Variants in EMCN observed in about 807,000 individuals in gnomAD.
EMCN encodes MUC-14.
Under a neutral mutation model 38.4 loss-of-function variants are expected in EMCN, and 37 were observed. The observed-to-expected ratio is 0.96, with a 90% CI of 0.74 to 1.27. The LOEUF (loss-of-function observed/expected upper bound fraction) is 1.27. EMCN is among the 50% of genes most tolerant of loss of function. EMCN has a pLI of 0.00. For missense variants in EMCN, 318 were observed against 302.8 expected (o/e 1.05, Z -0.37); for synonymous variants, 95 against 100.8 (o/e 0.94, Z 0.35).
chr4:100,498,216 C>A (rs1729259914), intron 1 of EMCN, among the ~76,000 whole-genome samples: 1 of 151,944 alleles, frequency 6.6e-6, no homozygotes. Flanking sequence ...TAATACCAAC[C>A]AAATTTACAC....
At chr4:100,501,109 C>CT (rs1412527914) in intron 1 of EMCN, among the ~76,000 whole-genome samples, 2 of 151,882 alleles carry the variant, frequency 1.3e-5, no homozygotes, top group East Asian at 1.9e-4. Flanking sequence ...ATGGTTAGTG[C>CT]TTTTTTGTGT....
intron 4 of EMCN, among the ~76,000 whole-genome samples, chr4:100,462,224 A>G (rs1013245773): frequency 2.6e-5 from 4 of 152,210 alleles, no homozygotes; most frequent in Non-Finnish European, 4.4e-5. Flanking sequence ...TTATTTCATT[A>G]TCCTGCTTTC....
In EMCN at chr4:100,397,315, A is replaced by G. The variant is rs915950609; in HGVS notation, c.*1098T>C. On this transcript the variant is annotated 3_prime_UTR_variant, in exon 12 of 12. Coordinates refer to ENST00000296420, the MANE Select transcript of EMCN (RefSeq NM_016242.4). ...GATCTCACATGTCAAAAAAGTGGTC[A>G]AGGTTGATCAGTTAGCTTTTAACAG... 1 of 152,180 alleles carries G rather than the reference A, an allele frequency of 6.6e-6. No individual in the cohort carries two copies. Among genetic ancestry groups the G allele is most frequent in the East Asian group, 1.9e-4 (1 of 5,186 alleles). The allele number at this position is 152,180 out of a possible 1,614,324, so 9.4% of individuals were successfully genotyped here.
At chr4:100,427,643 C>G (rs562531518) in intron 5 of EMCN, among the ~76,000 whole-genome samples, 4 of 151,910 alleles carry the variant, frequency 2.6e-5, no homozygotes, top group Non-Finnish European at 5.9e-5. Flanking sequence ...AGTCCTTGGT[C>G]CTCATCTCCA....
chr4:100,511,658 G>T (rs1168247339), intron 1 of EMCN, among the ~76,000 whole-genome samples: 2 of 152,092 alleles, frequency 1.3e-5, no homozygotes, highest in African/African-American at 4.8e-5. Flanking sequence ...CATTTTCTTT[G>T]AAATGAAAAG....
intron 3 of EMCN, among the ~76,000 whole-genome samples, chr4:100,470,973 T>G (rs963038650): frequency 1.3e-5 from 2 of 151,922 alleles, no homozygotes; most frequent in Non-Finnish European, 2.9e-5. Flanking sequence ...AGGAAATTTA[T>G]AGGTGTTAAC....
intron 1 of EMCN, among the ~76,000 whole-genome samples, chr4:100,499,954 C>A (rs117164368): frequency 1.3e-5 from 2 of 152,178 alleles, no homozygotes; most frequent in East Asian, 3.9e-4. Flanking sequence ...AGCAGAGTAT[C>A]ATTGAGAGCA....
chr4:100,475,054 TA>T lies in EMCN; in HGVS notation c.242del (p.Leu81Ter). On this transcript the variant is annotated frameshift_variant, in exon 3 of 12. Coordinates refer to ENST00000296420, the MANE Select transcript of EMCN (RefSeq NM_016242.4). LOFTEE classifies it high-confidence loss of function. ...ATTACTCACCTTCATCTTTACTTGTTAAAAAAGTAGCTGTTGACATCAGAGA... is the reference window on the plus strand; with the variant it reads ...ATTACTCACCTTCATCTTTACTTGTTAAAAAGTAGCTGTTGACATCAGAGA... Reference protein sequence around the residue: ...KMSLMSTATFLTSKDEGLKAT... With the variant: ...KMSLMSTATFXTSKDEGLKAT... 4 of 1,534,712 alleles carry T rather than the reference TA, an allele frequency of 2.6e-6. No individual in the cohort carries two copies. The highest frequency in any genetic ancestry group is 2.6e-5 in the South Asian group (2 of 76,502).
intron 10 of EMCN, among the ~76,000 whole-genome samples, 183 bp downstream of exon 10, chr4:100,415,715 A>G (rs1227024691): frequency 6.6e-6 from 1 of 152,152 alleles, no homozygotes; most frequent in African/African-American, 2.4e-5. Flanking sequence ...ATAGTCCAAT[A>G]ATCTTATCAA....
chr4:100,513,928 T>C (rs1035762189), intron 1 of EMCN, among the ~76,000 whole-genome samples: 2 of 152,118 alleles, frequency 1.3e-5, no homozygotes, highest in African/African-American at 4.8e-5. Context: ...ACTTATAATC[T>C]TGTAGAGAAA....
chr4:100,438,032 G>A (rs1000572691), intron 5 of EMCN, among the ~76,000 whole-genome samples: 1 of 151,792 alleles, frequency 6.6e-6, no homozygotes, highest in African/African-American at 2.4e-5. Context: ...TAAATACAGT[G>A]TATCTTTCCA....
rs540920231 is a variant in EMCN, at chr4:100,452,355, C to G, written c.377-4784G>C. On this transcript the variant is annotated intron_variant, in intron 4 of 11. Transcript: ENST00000296420. ...TGATTATAAATGTTATTAAGAAAAG[C>G]CAGATTATCTTTTCAGGCTTCAAAT... 9.9e-5 allele frequency among the ~76,000 whole-genome samples: 15 copies of G among 152,046 alleles called. No homozygotes were observed. The South Asian group carries it at 3.1e-3, about 32-fold the overall frequency.
intron 1 of EMCN, among the ~76,000 whole-genome samples, chr4:100,506,573 C>CA (rs950753069): frequency 1.1e-3 from 153 of 145,212 alleles, no homozygotes; most frequent in Admixed American, 1.6e-3. Flanking sequence ...TCCAATTTGT[C>CA]AAAAAAAAAA....
intron 1 of EMCN, among the ~76,000 whole-genome samples, chr4:100,481,248 A>G (rs1301894718): frequency 6.6e-6 from 1 of 152,146 alleles, no homozygotes; most frequent in Non-Finnish European, 1.5e-5. Context: ...TCTCAAATTT[A>G]AATTACATTT....
chr4:100,467,181 A>G (rs1728339637), intron 3 of EMCN, among the ~76,000 whole-genome samples: 1 of 152,202 alleles, frequency 6.6e-6, no homozygotes, highest in Admixed American at 6.5e-5. Flanking sequence ...TGTCAATTAT[A>G]CTACATGAAG....
At chr4:100,428,830 A>C (rs1727122856) in intron 5 of EMCN, among the ~76,000 whole-genome samples, 1 of 152,184 alleles carries the variant, frequency 6.6e-6, no homozygotes, top group Non-Finnish European at 1.5e-5. Context: ...ACAACAGAGT[A>C]TGAGAGGTAG....
chr4:100,445,813 C>A (rs74397083), intron 5 of EMCN, among the ~76,000 whole-genome samples: 197 of 152,182 alleles, frequency 1.3e-3, no homozygotes, highest in African/African-American at 4.6e-3. Context: ...AGCTGCAATT[C>A]ATATTTGAAG....
chr4:100,509,523 G>C (rs775804241), intron 1 of EMCN, among the ~76,000 whole-genome samples: 7 of 152,180 alleles, frequency 4.6e-5, no homozygotes, highest in African/African-American at 7.2e-5. Context: ...TAATGTAGGA[G>C]TGGCCTTTGT....
At chr4:100,425,727 C>A (rs1198129601) in intron 5 of EMCN, among the ~76,000 whole-genome samples, 1 of 151,782 alleles carries the variant, frequency 6.6e-6, no homozygotes, top group East Asian at 1.9e-4. Context: ...GAGAGTTGAA[C>A]CTCCCAACCA....
Sources: gnomAD v4.1 joint callset for allele counts (sites outside exome capture counted in the v4.1 genomes callset) on GRCh38, gnomAD v4.1.1 for gene constraint, MANE v1.5 for transcripts, NCBI Gene and HGNC (gene_info 2026-07-23, HGNC 2026-07-21) for gene names.